The following NT5E variants were observed in gnomAD, a reference collection of about 807,000 sequenced individuals.
The protein encoded by NT5E is 5'-nucleotidase.
NT5E carries 53 observed loss-of-function variants against 55.1 expected under a neutral mutation model. That is an observed-to-expected ratio of 0.96 (90% confidence interval 0.77 to 1.21). The LOEUF (loss-of-function observed/expected upper bound fraction) is 1.21. NT5E is among the 50% of genes most tolerant of loss of function. The pLI, the probability that NT5E is intolerant of heterozygous loss-of-function variation, is 0.00. For synonymous variants in NT5E, 270 were observed against 278.4 expected (o/e 0.97, Z 0.30); for missense variants, 683 against 724.3 (o/e 0.94, Z 0.65).
chr6:85,455,717 G>A (rs1422015303), intron 1 of NT5E, among the ~76,000 whole-genome samples: 1 of 152,160 alleles, frequency 6.6e-6, no homozygotes, highest in Non-Finnish European at 1.5e-5. Flanking sequence ...TGAAGTCAGG[G>A]CAGTCTTGTA....
chr6:85,453,377 G>A (rs1468529322), intron 1 of NT5E, among the ~76,000 whole-genome samples: 1 of 152,192 alleles, frequency 6.6e-6, no homozygotes, highest in Non-Finnish European at 1.5e-5. Context: ...CCTGGGTGGG[G>A]AGGAGGGGAA....
Position 85,485,305 on chromosome 6 carries a change from G to A in NT5E, c.822G>A (p.Lys274=), listed in dbSNP as rs536475886. Reference sequence around the variant, plus strand: ...TAGTCACTTCTGATGATGGGCGGAAGGTTCCTGTAGTCCAGGCCTATGCTT... The same window carrying A: ...TAGTCACTTCTGATGATGGGCGGAAAGTTCCTGTAGTCCAGGCCTATGCTT... ...PFIVTSDDGR[K]VPVVQAYAFG... is the part of the protein sequence containing the mutation. The change falls in exon 4 of 9, where the codon AAG becomes AAA. Residue 274 remains lysine, a synonymous_variant. Coordinates refer to ENST00000257770, the MANE Select transcript of NT5E (RefSeq NM_002526.4). The A allele has an allele frequency of 2.5e-6, 4 of 1,614,194 alleles. No individual in the cohort carries two copies. In the African/African-American group the frequency reaches 5.3e-5, roughly 22 times the overall value.
chr6:85,485,216 TG>T lies in NT5E; in HGVS notation c.752-18del, dbSNP rs1562144211. 1 of 1,613,648 alleles carries T rather than the reference TG, an allele frequency of 6.2e-7. No homozygotes were observed. The highest frequency in any genetic ancestry group is 1.3e-5 in the African/African-American group (1 of 75,048). ...ATGTACAAGGGCTGACTTGATCAGC[TG>T]TGGCTCTTTTATTTCAGGCAATCCA... is the stretch of plus-strand genomic sequence containing the variant. On this transcript the variant is annotated intron_variant, in intron 3 of 8. Transcript: ENST00000257770.
At position 85,487,337 on chromosome 6, in the gene NT5E, C is replaced by A. The variant is rs774922009; in HGVS notation, c.952C>A (p.Pro318Thr). Residue 318 changes from proline to threonine, a missense_variant and splice_region_variant, in exon 5 of 9, where the codon CCA becomes ACA. Pro to Thr is a conservative substitution (Grantham distance 38). Coordinates refer to ENST00000257770, the MANE Select transcript of NT5E (RefSeq NM_002526.4). ...ILLNSSIPED[P>T]SIKADINKWR... ...GTACCTTCTTTTCTTTCTTCTAGAT[C>A]CAAGCATAAAAGCAGACATTAACAA... 27 of 1,612,724 alleles carry A rather than the reference C, an allele frequency of 1.7e-5. No individual in the cohort carries two copies. The East Asian group carries it at 6.0e-4, about 36-fold the overall frequency.
rs1465351082 is a variant in NT5E at position 85,494,375 on chromosome 6, A to C, written c.*371A>C. 3 of 216,724 alleles carry C rather than the reference A, an allele frequency of 1.4e-5. No homozygotes were observed. The East Asian group carries it at 3.5e-4, about 25-fold the overall frequency. The allele number at this position is 216,724 out of a possible 1,614,324, so 13.4% of individuals were successfully genotyped here. A position where few individuals can be genotyped will look rare whatever the true frequency, so the allele number is the denominator to read the frequency against. ...TCATTCACAAGGAAGTTTTAAGCACACTGTCTCATTTGATATCCACAACTT... is the reference window on the plus strand; with the variant it reads ...TCATTCACAAGGAAGTTTTAAGCACCCTGTCTCATTTGATATCCACAACTT... On this transcript the variant is annotated 3_prime_UTR_variant, in exon 9 of 9. Coordinates refer to ENST00000257770, the MANE Select transcript of NT5E (RefSeq NM_002526.4).
At chr6:85,491,174 G>C in intron 7 of NT5E, 1 of 478,270 alleles carries the variant, frequency 2.1e-6, no homozygotes, top group South Asian at 1.6e-5. Context: ...GGCACAGGGA[G>C]AAAACCTTTC....
At chr6:85,463,495 C>T (rs1445802566) in intron 1 of NT5E, among the ~76,000 whole-genome samples, 1 of 152,018 alleles carries the variant, frequency 6.6e-6, no homozygotes, top group Non-Finnish European at 1.5e-5. Context: ...TGGCAAGTAA[C>T]AGTTTAGCTA....
intron 1 of NT5E, among the ~76,000 whole-genome samples, chr6:85,461,104 C>G (rs1475581920): frequency 1.3e-5 from 2 of 152,146 alleles, no homozygotes; most frequent in Non-Finnish European, 2.9e-5. Flanking sequence ...TAAAATGTAT[C>G]TAACACAGGA....
At chr6:85,453,444 GCA>G (rs1768930578) in intron 1 of NT5E, among the ~76,000 whole-genome samples, 1 of 152,136 alleles carries the variant, frequency 6.6e-6, no homozygotes, top group South Asian at 2.1e-4. Context: ...TCACAGCCTG[GCA>G]CAGTCTACCA....
At chr6:85,456,179 G>T (rs1237157109) in intron 1 of NT5E, among the ~76,000 whole-genome samples, 1 of 152,188 alleles carries the variant, frequency 6.6e-6, no homozygotes, top group Non-Finnish European at 1.5e-5. Context: ...TTCCAAGTTG[G>T]TGAACATATT....
intron 6 of NT5E, 59 bp from the exon 7 acceptor site, chr6:85,490,449 A>G (rs894621690): frequency 2.5e-6 from 4 of 1,599,844 alleles, no homozygotes; most frequent in African/African-American, 2.7e-5. Flanking sequence ...GAAACTGGTC[A>G]TGGTGTAAGC....
intron 3 of NT5E, among the ~76,000 whole-genome samples, chr6:85,477,963 G>A (rs1266706545): frequency 6.6e-6 from 1 of 151,292 alleles, no homozygotes; most frequent in Non-Finnish European, 1.5e-5. Context: ...GGAGTTTGAG[G>A]CTGCAGTGAG....
intron 2 of NT5E, among the ~76,000 whole-genome samples, chr6:85,469,227 T>C (rs1250326018): frequency 6.6e-6 from 1 of 152,232 alleles, no homozygotes; most frequent in Non-Finnish European, 1.5e-5. Flanking sequence ...TGCCTGGTCC[T>C]GTGAGGTTTC....
chr6:85,491,937 C>T, intron 7 of NT5E, 40 bp from the exon 8 acceptor site: 4 of 1,584,350 alleles, frequency 2.5e-6, no homozygotes, highest in Non-Finnish European at 3.5e-6. Context: ...ACAGAAATCT[C>T]CCTTTGGATC....
chr6:85,491,381 A>G, intron 7 of NT5E: 1 of 322,658 alleles, frequency 3.1e-6, no homozygotes, highest in Non-Finnish European at 6.0e-6. Context: ...TGACAGATAG[A>G]ATTGCTTTCC....
intron 1 of NT5E, among the ~76,000 whole-genome samples, chr6:85,459,474 C>T (rs779996430): frequency 2.0e-5 from 3 of 152,192 alleles, no homozygotes; most frequent in Non-Finnish European, 4.4e-5. Context: ...ACTCTGCTAT[C>T]CTTTGTTTTA....
chr6:85,450,426 A>G lies in NT5E; in HGVS notation c.287A>G (p.Tyr96Cys). The change falls in exon 1 of 9, where the codon TAC becomes TGC. Residue 96 changes from tyrosine (Y) to cysteine (C), a missense_variant. By Grantham distance (194) the Tyr-to-Cys change is radical. Transcript: ENST00000257770. The surrounding 1 kb of genome is among the most constrained non-coding windows in gnomAD (Gnocchi z 4.0). Reference protein sequence around the residue: ...QYQGTIWFTVYKGAEVAHFMN... With the variant: ...QYQGTIWFTVCKGAEVAHFMN... ...CAGGGCACTATCTGGTTCACCGTGT[A>G]CAAGGGCGCCGAGGTGGCGCACTTC... 1 of 1,604,004 alleles carries G rather than the reference A, an allele frequency of 6.2e-7. No individual in the cohort carries two copies. The highest frequency in any genetic ancestry group is 8.5e-7 in the Non-Finnish European group (1 of 1,176,410).
chr6:85,479,722 G>A (rs562090124), intron 3 of NT5E, among the ~76,000 whole-genome samples: 6 of 152,192 alleles, frequency 3.9e-5, no homozygotes, highest in East Asian at 3.9e-4. Context: ...GGAACTACAC[G>A]GGCATGCCAA....
chr6:85,491,008 C>T (rs746075219), intron 7 of NT5E: 1 of 521,624 alleles, frequency 1.9e-6, no homozygotes, highest in South Asian at 1.5e-5. Context: ...CTCTGTTCTA[C>T]TCATCGTTGC....
Sources: gnomAD v4.1 joint callset for allele counts (sites outside exome capture counted in the v4.1 genomes callset) on GRCh38, gnomAD v4.1.1 for gene constraint, Gnocchi (gnomAD v3.1) non-coding constraint, MANE v1.5 for transcripts, NCBI Gene and HGNC (gene_info 2026-07-23, HGNC 2026-07-21) for gene names.